TRDN: variants seen among roughly 807,000 people sequenced by gnomAD.
The protein encoded by TRDN is triadin in skeletal muscle.
TRDN carries 161 observed loss-of-function variants against 149.7 expected under a neutral mutation model. That is an observed-to-expected ratio of 1.08 (90% CI 0.95 to 1.23). The LOEUF is 1.23. Ranked by LOEUF, TRDN falls within the 50% of genes most tolerant of loss-of-function variation. TRDN has a pLI of 0.00. For missense variants in TRDN, 896 were observed against 823.5 expected, an observed-to-expected ratio of 1.09 and a Z score of -1.08; for synonymous variants, 294 against 250.5, an observed-to-expected ratio of 1.17 and a Z score of -1.64.
intron 39 of TRDN, among the ~76,000 whole-genome samples, chr6:123,222,576 C>G (rs1004758921): frequency 6.6e-6 from 1 of 151,650 alleles, no homozygotes; most frequent in African/African-American, 2.4e-5. Flanking sequence ...AGGTCCTGAC[C>G]TGTGTGTGTT....
chr6:123,621,582 G>T (rs564157075), intron 1 of TRDN, among the ~76,000 whole-genome samples: 2 of 152,050 alleles, frequency 1.3e-5, no homozygotes, highest in East Asian at 3.9e-4. Flanking sequence ...ACACTGTACA[G>T]AAAGAAAAAT....
chr6:123,555,401 CA>C (rs1355755051), intron 2 of TRDN, among the ~76,000 whole-genome samples: 26 of 152,206 alleles, frequency 1.7e-4, no homozygotes, highest in Admixed American at 1.2e-3. Flanking sequence ...GGAAGTCAAG[CA>C]TTCAAAAAAT....
intron 8 of TRDN, chr6:123,503,481 AC>A (rs1471860128): frequency 1.6e-5 from 16 of 984,822 alleles, no homozygotes; most frequent in Admixed American, 6.2e-5. Flanking sequence ...CTACCTCCAA[AC>A]CCCTTTTAAA....
chr6:123,297,466 C>A (rs988221709), intron 24 of TRDN, among the ~76,000 whole-genome samples: 9 of 151,832 alleles, frequency 5.9e-5, no homozygotes, highest in Admixed American at 5.9e-4. Context: ...AACACTACTT[C>A]GAAGTTTTTT....
chr6:123,238,978 C>A (rs1775889082), intron 38 of TRDN, among the ~76,000 whole-genome samples: 1 of 152,080 alleles, frequency 6.6e-6, no homozygotes, highest in Non-Finnish European at 1.5e-5. Context: ...GTAGCTGGAA[C>A]TACAGGCACA....
intron 9 of TRDN, among the ~76,000 whole-genome samples, chr6:123,477,804 C>T (rs1476193352): frequency 6.7e-6 from 1 of 150,094 alleles, no homozygotes. Flanking sequence ...TAAACTATCG[C>T]AAGAACAAAA....
At chr6:123,502,337 A>T (rs1309368768) in intron 8 of TRDN, 14 of 795,688 alleles carry the variant, frequency 1.8e-5, no homozygotes, top group Non-Finnish European at 2.0e-5. Flanking sequence ...TAACTTTTAA[A>T]TTTTTTTCAT....
At chr6:123,568,225 G>A (rs1782388480) in intron 2 of TRDN, among the ~76,000 whole-genome samples, 1 of 152,246 alleles carries the variant, frequency 6.6e-6, no homozygotes. Flanking sequence ...GGGGTCCCAA[G>A]GAATTGGGCA....
chr6:123,601,784 G>C (rs184612475), intron 1 of TRDN, among the ~76,000 whole-genome samples: 1 of 152,158 alleles, frequency 6.6e-6, no homozygotes, highest in African/African-American at 2.4e-5. Context: ...TGTTTGTTAG[G>C]TTAACAATAT....
intron 5 of TRDN, among the ~76,000 whole-genome samples, chr6:123,528,237 A>C (rs188210840): frequency 1.3e-5 from 2 of 150,312 alleles, no homozygotes; most frequent in Admixed American, 1.3e-4. Flanking sequence ...TTGTTTTAGA[A>C]ATATATATCC....
intron 12 of TRDN, among the ~76,000 whole-genome samples, chr6:123,403,277 C>T (rs1436387772): frequency 6.6e-6 from 1 of 151,942 alleles, no homozygotes; most frequent in African/African-American, 2.4e-5. Context: ...TCCCTGGAAA[C>T]CATTGTGGAT....
intron 4 of TRDN, among the ~76,000 whole-genome samples, chr6:123,533,082 G>A (rs949658733): frequency 6.6e-6 from 1 of 152,084 alleles, no homozygotes; most frequent in Admixed American, 6.6e-5. Flanking sequence ...GTCTTTGGAC[G>A]TACTAAGGGA....
At chr6:123,377,225 TTAAG>T (rs1028139269) in intron 18 of TRDN, among the ~76,000 whole-genome samples, 2 of 152,224 alleles carry the variant, frequency 1.3e-5, no homozygotes, top group Non-Finnish European at 2.9e-5. Flanking sequence ...GGAAATGTTA[TTAAG>T]TAAGATTATG....
At chr6:123,460,432 T>G (rs187115889) in intron 10 of TRDN, among the ~76,000 whole-genome samples, 1 of 152,124 alleles carries the variant, frequency 6.6e-6, no homozygotes, top group Non-Finnish European at 1.5e-5. Context: ...AGCAACTCTT[T>G]AAGTTAAATA....
intron 12 of TRDN, among the ~76,000 whole-genome samples, chr6:123,414,482 T>G (rs953543268): frequency 2.6e-5 from 4 of 152,138 alleles, no homozygotes; most frequent in African/African-American, 9.6e-5. Flanking sequence ...GTTCATTTGA[T>G]AAATAACAAA....
chr6:123,536,579 A>G (rs572375087), intron 4 of TRDN, among the ~76,000 whole-genome samples: 3 of 152,054 alleles, frequency 2.0e-5, no homozygotes, highest in African/African-American at 7.2e-5. Flanking sequence ...GGCCAGGTGC[A>G]GTATCTCACA....
chr6:123,500,810 G>A (rs1355323055), intron 8 of TRDN, among the ~76,000 whole-genome samples: 1 of 152,172 alleles, frequency 6.6e-6, no homozygotes, highest in African/African-American at 2.4e-5. Context: ...TGGGGCACAT[G>A]TGGTCCAGTA....
chr6:123,415,339 A>T (rs941701167), intron 12 of TRDN, among the ~76,000 whole-genome samples: 1 of 152,210 alleles, frequency 6.6e-6, no homozygotes, highest in Non-Finnish European at 1.5e-5. Flanking sequence ...GTAATATTCC[A>T]AGTACTGGGC....
At chr6:123,294,015 A>G (rs528499363) in intron 24 of TRDN, among the ~76,000 whole-genome samples, 2 of 152,288 alleles carry the variant, frequency 1.3e-5, no homozygotes, top group East Asian at 1.9e-4. Context: ...CTCAAACCCT[A>G]GAAACCTTAG....
Sources: gnomAD v4.1 joint callset for allele counts (sites outside exome capture counted in the v4.1 genomes callset) on GRCh38, gnomAD v4.1.1 for gene constraint, MANE v1.5 for transcripts, NCBI Gene and HGNC (gene_info 2026-07-23, HGNC 2026-07-21) for gene names.